ZPBP: variants seen among roughly 807,000 people sequenced by gnomAD.
ZPBP encodes zona pellucida binding protein.
Under a neutral mutation model 44.8 loss-of-function variants are expected in ZPBP, and 26 were observed. That is an observed-to-expected ratio of 0.58 (90% CI 0.43 to 0.81). The LOEUF is 0.81. Among genes scored for constraint, ZPBP ranks in the 30% least tolerant of loss-of-function variants. The probability of loss-of-function intolerance (pLI) is 0.00; values close to 1 mark genes in which losing one functional copy is unlikely to be tolerated. For missense variants in ZPBP, 409 were observed against 434.0 expected, an observed-to-expected ratio of 0.94 and a Z score of 0.51; for synonymous variants, 174 against 153.2, an observed-to-expected ratio of 1.14 and a Z score of -1.00.
intron 4 of ZPBP, among the ~76,000 whole-genome samples, chr7:50,037,063 A>T (rs1159235290): frequency 6.6e-6 from 1 of 152,134 alleles, no homozygotes; most frequent in East Asian, 1.9e-4. Flanking sequence ...GAATTTGGAG[A>T]GTTGGATTAA....
chr7:50,090,506 T>C (rs779851260), intron 1 of ZPBP, among the ~76,000 whole-genome samples: 8 of 151,540 alleles, frequency 5.3e-5, no homozygotes, highest in Non-Finnish European at 8.8e-5. Context: ...TGAGTGTATA[T>C]ATATGTGTAT....
downstream of ZPBP, chr7:49,936,236 G>C (rs1794617066): frequency 6.6e-6 from 1 of 152,122 alleles, no homozygotes; most frequent in Non-Finnish European, 1.5e-5. Flanking sequence ...GAGGAAAGAA[G>C]GCACTTGAAA....
intron 2 of ZPBP, among the ~76,000 whole-genome samples, chr7:49,896,098 T>C (rs1318042021): frequency 2.6e-5 from 4 of 152,172 alleles, no homozygotes; most frequent in African/African-American, 9.7e-5. Flanking sequence ...ACCAGCACTT[T>C]GGGAGGCCAA....
chr7:49,981,019 A>G (rs1280881164), intron 7 of ZPBP, among the ~76,000 whole-genome samples: 5 of 150,822 alleles, frequency 3.3e-5, no homozygotes, highest in Non-Finnish European at 7.4e-5. Flanking sequence ...ATTTAAATAT[A>G]TGAACTTTCA....
intron 7 of ZPBP, among the ~76,000 whole-genome samples, chr7:49,941,674 T>C (rs956792229): frequency 6.6e-6 from 1 of 152,132 alleles, no homozygotes; most frequent in African/African-American, 2.4e-5. Context: ...ATCATGTTCA[T>C]GGGTTGGAAC....
At chr7:49,915,788 T>C (rs1793691035) in intron 1 of ZPBP, 1 of 152,220 alleles carries the variant, frequency 6.6e-6, no homozygotes, top group African/African-American at 2.4e-5. Context: ...TTATTTTTAA[T>C]ATCATATTTT....
At chr7:49,854,021 A>G (rs1790311513) in intron 2 of ZPBP, among the ~76,000 whole-genome samples, 1 of 151,884 alleles carries the variant, frequency 6.6e-6, no homozygotes. Context: ...AGCTTCATCC[A>G]TGTCCCTGCA....
At chr7:49,936,337 G>T (rs1162188959), downstream of ZPBP, among the ~76,000 whole-genome samples, 4 of 152,208 alleles carry the variant, frequency 2.6e-5, no homozygotes, top group African/African-American at 4.8e-5. Context: ...TAATAACAAA[G>T]TAGAGCCACA....
At chr7:50,077,123 A>G in intron 3 of ZPBP, among the ~76,000 whole-genome samples, 1 of 151,862 alleles carries the variant, frequency 6.6e-6, no homozygotes, top group East Asian at 1.9e-4. Context: ...ATTTTTGACA[A>G]CAGTGCCAAG....
chr7:50,012,252 C>T (rs1257898155), intron 6 of ZPBP, among the ~76,000 whole-genome samples: 1 of 151,860 alleles, frequency 6.6e-6, no homozygotes, highest in African/African-American at 2.4e-5. Flanking sequence ...ACAAAATGAA[C>T]AGGAAAATCC....
chr7:50,054,740 T>A (rs1800851387), intron 4 of ZPBP, among the ~76,000 whole-genome samples: 1 of 152,156 alleles, frequency 6.6e-6, no homozygotes, highest in Non-Finnish European at 1.5e-5. Context: ...TTTGCAATTA[T>A]CCTTTACTTA....
intron 1 of ZPBP, chr7:49,921,899 G>T (rs994742598): frequency 7.2e-5 from 11 of 152,154 alleles, no homozygotes; most frequent in Admixed American, 6.5e-4. Flanking sequence ...TGTATTGTTG[G>T]ATGGGTATGT....
At chr7:49,841,677 T>C in the ZPBP span, among the ~76,000 whole-genome samples, 1 of 152,230 alleles carries the variant, frequency 6.6e-6, no homozygotes, top group African/African-American at 2.4e-5. Context: ...AGAAATGTAC[T>C]TAGCATGGTT....
At chr7:50,087,208 T>C (rs1802705540) in intron 2 of ZPBP, among the ~76,000 whole-genome samples, 1 of 151,676 alleles carries the variant, frequency 6.6e-6, no homozygotes, top group South Asian at 2.1e-4. Flanking sequence ...GAAGCCAAAA[T>C]CAAAGGCATC....
chr7:49,887,759 A>G (rs1474721951), intron 2 of ZPBP, among the ~76,000 whole-genome samples: 1 of 152,146 alleles, frequency 6.6e-6, no homozygotes, highest in Admixed American at 6.5e-5. Flanking sequence ...ACAACACCAC[A>G]CCAACCCATG....
intron 2 of ZPBP, among the ~76,000 whole-genome samples, chr7:49,884,433 A>G (rs1466841385): frequency 6.6e-6 from 1 of 152,172 alleles, no homozygotes; most frequent in Non-Finnish European, 1.5e-5. Context: ...GGGGATTCAC[A>G]TAGCTGGGAA....
chr7:49,945,374 T>C (rs1428790803), intron 7 of ZPBP, among the ~76,000 whole-genome samples: 1 of 152,156 alleles, frequency 6.6e-6, no homozygotes, highest in African/African-American at 2.4e-5. Context: ...TGTTGTATAG[T>C]AGAGATTAAG....
intron 5 of ZPBP, among the ~76,000 whole-genome samples, 178 bp downstream of exon 5, chr7:50,030,914 G>GA (rs1799577511): frequency 6.6e-6 from 1 of 152,074 alleles, no homozygotes; most frequent in Admixed American, 6.6e-5. Flanking sequence ...ATTAGTACAC[G>GA]AATCAGCAGA....
chr7:50,009,359 C>T (rs1326845228), intron 6 of ZPBP, among the ~76,000 whole-genome samples: 1 of 151,326 alleles, frequency 6.6e-6, no homozygotes, highest in Non-Finnish European at 1.5e-5. Flanking sequence ...TGGCCAGGTC[C>T]AGCAGTGAAC....
Sources: gnomAD v4.1 joint callset for allele counts (sites outside exome capture counted in the v4.1 genomes callset) on GRCh38, gnomAD v4.1.1 for gene constraint, MANE v1.5 for transcripts, NCBI Gene and HGNC (gene_info 2026-07-23, HGNC 2026-07-21) for gene names.